KCNC2: variants seen among roughly 807,000 people sequenced by gnomAD.
KCNC2 encodes the protein potassium voltage-gated channel subfamily C member 2.
Under a neutral mutation model 44.5 loss-of-function variants are expected in KCNC2, and 21 were observed. The observed-to-expected ratio is 0.47, with a 90% CI of 0.33 to 0.68. KCNC2 has a LOEUF of 0.68. Among genes scored for constraint, KCNC2 ranks in the 30% least tolerant of loss-of-function variants. KCNC2 has a pLI of 0.01. For missense variants in KCNC2, 589 were observed against 826.2 expected (o/e 0.71, Z 3.52); for synonymous variants, 391 against 339.1 (o/e 1.15, Z -1.68).
intron 2 of KCNC2, among the ~76,000 whole-genome samples, chr12:75,073,304 C>A (rs1342399645): frequency 6.6e-6 from 1 of 152,120 alleles, no homozygotes; most frequent in African/African-American, 2.4e-5. Flanking sequence ...GGTTGGCTAA[C>A]TTCTGCTAAG....
At chr12:75,077,429 T>G (rs1884096664) in intron 2 of KCNC2, among the ~76,000 whole-genome samples, 1 of 152,206 alleles carries the variant, frequency 6.6e-6, no homozygotes, top group Non-Finnish European at 1.5e-5. Flanking sequence ...ACAGGCTGTC[T>G]GTGCAAATTT....
intron 2 of KCNC2, among the ~76,000 whole-genome samples, chr12:75,092,472 C>T (rs1885570959): frequency 6.6e-6 from 1 of 151,618 alleles, no homozygotes; most frequent in South Asian, 2.1e-4. Context: ...GTAACACTCT[C>T]TGGGGGAATA....
intron 2 of KCNC2, among the ~76,000 whole-genome samples, chr12:75,199,523 A>G (rs2137769266): frequency 6.6e-6 from 1 of 152,060 alleles, no homozygotes; most frequent in Non-Finnish European, 1.5e-5. Flanking sequence ...GGACACTCCC[A>G]AATTACAACA....
chr12:75,128,348 G>A (rs10506671), intron 2 of KCNC2, among the ~76,000 whole-genome samples: 24,944 of 151,912 alleles, frequency 0.16, 2,620 homozygotes, highest in African/African-American at 0.28. Flanking sequence ...TCATTATTTC[G>A]TGATTCCAAC....
At position 75,041,410 on chromosome 12, in the gene KCNC2, C is replaced by T. The variant is rs1879888769; in HGVS notation, c.*1695G>A. 1.5e-6 allele frequency: 2 copies of T among 1,332,170 alleles called. No individual in the cohort carries two copies. 82.5% of individuals were successfully genotyped at this position (1,332,170 alleles called of 1,614,324 possible). On this transcript the variant is annotated 3_prime_UTR_variant, in exon 5 of 5. Transcript: ENST00000549446. Reference sequence around the variant, plus strand: ...TAGGACTTGGGGATATAGAGTAATACATGTTTCGTGGCCAATAATAAAAGT... The same window carrying T: ...TAGGACTTGGGGATATAGAGTAATATATGTTTCGTGGCCAATAATAAAAGT...
At chr12:75,158,980 T>G (rs1890942751) in intron 2 of KCNC2, among the ~76,000 whole-genome samples, 2 of 151,398 alleles carry the variant, frequency 1.3e-5, no homozygotes, top group Non-Finnish European at 2.9e-5. Context: ...TTGGTAGGGG[T>G]AGAAGGAGTA....
intron 2 of KCNC2, among the ~76,000 whole-genome samples, chr12:75,150,586 A>ATTGTT (rs1392818732): frequency 6.6e-6 from 1 of 151,874 alleles, no homozygotes; most frequent in African/African-American, 2.4e-5. Flanking sequence ...TTGGCATTAT[A>ATTGTT]TTGTTTTTTA....
intron 2 of KCNC2, among the ~76,000 whole-genome samples, chr12:75,076,563 C>T (rs540972647): frequency 3.3e-5 from 5 of 152,176 alleles, no homozygotes; most frequent in Admixed American, 6.5e-5. Context: ...TGAGCCACCG[C>T]GCCTGGCCTC....
intron 2 of KCNC2, among the ~76,000 whole-genome samples, chr12:75,203,074 A>G (rs745962799): frequency 3.5e-4 from 53 of 151,948 alleles, no homozygotes; most frequent in Non-Finnish European, 6.6e-4. Flanking sequence ...AGCTATATTT[A>G]GCCATTAATT....
rs1166541902 is a variant in KCNC2, at chr12:75,051,073, A to G, written c.932T>C (p.Ile311Thr). Residue 311 changes from isoleucine (I) to threonine (T), a missense_variant, in exon 3 of 5, where the codon ATC (isoleucine) becomes ACC (threonine). By Grantham distance (89) the Ile-to-Thr change is moderately conservative. Transcript: ENST00000549446. Reference protein sequence around the residue: ...IVFSPNKLEFIKNLLNIIDFV... With the variant: ...IVFSPNKLEFTKNLLNIIDFV... The stretch of plus-strand genomic sequence containing the variant: ...GTCAATGATATTCAAGAGATTTTTG[A>G]TGAATTCAAGTTTATTGGGTGAAAA... 3.7e-6 allele frequency: 6 copies of G among 1,613,810 alleles called. No individual in the cohort carries two copies. In the South Asian group the frequency reaches 5.5e-5, roughly 15 times the overall value.
intron 4 of KCNC2, chr12:75,043,802 C>T: frequency 6.7e-7 from 1 of 1,483,574 alleles, no homozygotes; most frequent in Non-Finnish European, 9.0e-7. Context: ...ATGGAATGCC[C>T]ATTTCTAATT....
At chr12:75,078,418 G>A (rs962690172) in intron 2 of KCNC2, among the ~76,000 whole-genome samples, 1 of 152,118 alleles carries the variant, frequency 6.6e-6, no homozygotes, top group African/African-American at 2.4e-5. Context: ...TAATTATAAT[G>A]ACTGTCAAGG....
intron 2 of KCNC2, among the ~76,000 whole-genome samples, chr12:75,143,075 C>G (rs721749): frequency 1.3e-5 from 2 of 152,198 alleles, no homozygotes; most frequent in East Asian, 3.9e-4. Context: ...AGAATGGGTC[C>G]GTCTCAGAGG....
At chr12:75,089,348 A>G (rs1216054860) in intron 2 of KCNC2, among the ~76,000 whole-genome samples, 4 of 151,842 alleles carry the variant, frequency 2.6e-5, no homozygotes, top group African/African-American at 4.8e-5. Context: ...AATATTCACT[A>G]TGTAATACTC....
intron 2 of KCNC2, among the ~76,000 whole-genome samples, chr12:75,170,910 C>A (rs1326336597): frequency 1.3e-5 from 2 of 151,758 alleles, no homozygotes; most frequent in African/African-American, 4.8e-5. Context: ...GGCGGGTGTA[C>A]TCTTCCAAGC....
At chr12:75,096,439 A>T (rs529600458) in intron 2 of KCNC2, among the ~76,000 whole-genome samples, 2 of 152,132 alleles carry the variant, frequency 1.3e-5, no homozygotes, top group East Asian at 1.9e-4. Flanking sequence ...TAACATTTTT[A>T]AAAAATACTC....
intron 2 of KCNC2, among the ~76,000 whole-genome samples, chr12:75,061,048 C>G (rs1379873890): frequency 1.3e-5 from 2 of 152,076 alleles, no homozygotes; most frequent in Non-Finnish European, 2.9e-5. Context: ...ATAGCACTTA[C>G]CTCATTTCTG....
chr12:75,142,359 A>C (rs898767326), intron 2 of KCNC2, among the ~76,000 whole-genome samples: 12 of 152,212 alleles, frequency 7.9e-5, no homozygotes, highest in Non-Finnish European at 2.9e-5. Flanking sequence ...TTTACAAGTC[A>C]AAAATGAAGA....
intron 4 of KCNC2, among the ~76,000 whole-genome samples, chr12:75,046,222 A>G (rs1880493497): frequency 6.6e-6 from 1 of 151,752 alleles, no homozygotes; most frequent in African/African-American, 2.4e-5. Flanking sequence ...TGTTCTCACT[A>G]ATAAAAAGAA....
Sources: gnomAD v4.1 joint callset for allele counts (sites outside exome capture counted in the v4.1 genomes callset) on GRCh38, gnomAD v4.1.1 for gene constraint, MANE v1.5 for transcripts, NCBI Gene and HGNC (gene_info 2026-07-23, HGNC 2026-07-21) for gene names.